The following CPVL variants were observed in gnomAD, a reference collection of about 807,000 sequenced individuals.
The protein encoded by CPVL is probable serine carboxypeptidase CPVL.
Under a neutral mutation model 63.7 loss-of-function variants are expected in CPVL, and 51 were observed. The ratio of observed to expected loss-of-function variants is 0.80; its 90% CI spans 0.64 to 1.01. CPVL has a LOEUF of 1.01. Among genes scored for constraint, CPVL ranks in the 50% least tolerant of loss-of-function variants. The probability of loss-of-function intolerance (pLI) is 0.00; values close to 1 mark genes in which losing one functional copy is unlikely to be tolerated. For missense variants in CPVL, 530 were observed against 573.1 expected (o/e 0.92, Z 0.77); for synonymous variants, 195 against 206.0 (o/e 0.95, Z 0.46).
intron 2 of CPVL, among the ~76,000 whole-genome samples, chr7:29,118,460 T>A (rs1789009799): frequency 6.6e-6 from 1 of 152,208 alleles, no homozygotes; most frequent in East Asian, 1.9e-4. Flanking sequence ...GCCCATATGG[T>A]GGGGCAGCCA....
At chr7:29,187,585 G>A (rs535623701) in intron 1 of CPVL, among the ~76,000 whole-genome samples, 2 of 152,126 alleles carry the variant, frequency 1.3e-5, no homozygotes, top group African/African-American at 4.8e-5. Context: ...TTAGCTGGGT[G>A]TTGTGGTGTA....
At chr7:29,182,422 T>C (rs985596638) in intron 4 of CPVL, among the ~76,000 whole-genome samples, 3 of 152,198 alleles carry the variant, frequency 2.0e-5, no homozygotes, top group African/African-American at 7.2e-5. Flanking sequence ...AATAGGGCTA[T>C]GGGGACCCAG....
chr7:29,170,153 G>A (rs913361830), intron 5 of CPVL, among the ~76,000 whole-genome samples: 2 of 152,072 alleles, frequency 1.3e-5, no homozygotes, highest in African/African-American at 4.8e-5. Flanking sequence ...ATGGGGTGGA[G>A]GGGGATTCCC....
At chr7:29,149,735 T>C (rs1002683895), upstream of CPVL, among the ~76,000 whole-genome samples, 8 of 152,120 alleles carry the variant, frequency 5.3e-5, no homozygotes, top group African/African-American at 1.9e-4. Flanking sequence ...TAGGTTCTGG[T>C]AGCCCCAGGT....
At chr7:29,006,012 C>G (rs1331511644) in intron 12 of CPVL, among the ~76,000 whole-genome samples, 1 of 152,168 alleles carries the variant, frequency 6.6e-6, no homozygotes, top group Non-Finnish European at 1.5e-5. Flanking sequence ...CCTGACTCAT[C>G]ATCTTCTGTG....
At chr7:28,994,744 A>G (rs75725929), downstream of CPVL, among the ~76,000 whole-genome samples, 2,286 of 152,322 alleles carry the variant, frequency 0.015, 59 homozygotes, top group African/African-American at 0.052. Flanking sequence ...TGAGAAATTA[A>G]AAGAATAAAC....
In CPVL at chr7:28,995,748, G is replaced by C. The variant is rs1051214153; in HGVS notation, c.*24C>G. 1.5e-6 allele frequency: 2 copies of C among 1,340,534 alleles called. No homozygotes were observed. The highest frequency in any genetic ancestry group is 2.1e-6 in the Non-Finnish European group (2 of 951,726). 83.0% of individuals were successfully genotyped at this position (1,340,534 alleles called of 1,614,324 possible). A position where few individuals can be genotyped will look rare whatever the true frequency, so the allele number is the denominator to read the frequency against. On this transcript the variant is annotated 3_prime_UTR_variant, in exon 13 of 13. Coordinates refer to ENST00000265394, the MANE Select transcript of CPVL (RefSeq NM_031311.5). ...TTTCTTTTCAGCAATGAAAACCTCTGATGTTCTCTTTTGGGAAGGTAGTTT... is the reference window on the plus strand; with the variant it reads ...TTTCTTTTCAGCAATGAAAACCTCTCATGTTCTCTTTTGGGAAGGTAGTTT...
intron 11 of CPVL, among the ~76,000 whole-genome samples, chr7:29,045,126 G>A (rs571511332): frequency 2.0e-5 from 3 of 152,188 alleles, no homozygotes; most frequent in Admixed American, 6.5e-5. Flanking sequence ...AAACACACAC[G>A]GGTTATCATG....
At chr7:29,067,604 T>A (rs538222998) in intron 9 of CPVL, among the ~76,000 whole-genome samples, 1 of 152,192 alleles carries the variant, frequency 6.6e-6, no homozygotes, top group South Asian at 2.1e-4. Flanking sequence ...AGCAAGAAGA[T>A]GAAGAGAAGA....
At chr7:29,052,165 TAAAATACTAC>T (rs1396794631) in intron 11 of CPVL, among the ~76,000 whole-genome samples, 6 of 151,696 alleles carry the variant, frequency 4.0e-5, no homozygotes, top group African/African-American at 1.5e-4. Flanking sequence ...TGGTAAGGGA[TAAAATACTAC>T]AAACAGGGTG....
chr7:29,137,886 G>A (rs1177677817), intron 1 of CPVL, among the ~76,000 whole-genome samples: 2 of 152,212 alleles, frequency 1.3e-5, no homozygotes, highest in Non-Finnish European at 2.9e-5. Context: ...ATCTAGAGAA[G>A]TCAGTAGAGA....
At chr7:29,103,405 T>C (rs6961622) in intron 3 of CPVL, among the ~76,000 whole-genome samples, 91,125 of 142,156 alleles carry the variant, frequency 0.64, 29,330 homozygotes, top group East Asian at 0.8. Context: ...ACCACCATGC[T>C]CAGCTATTTT....
chr7:29,008,722 A>G (rs969261860), intron 12 of CPVL, among the ~76,000 whole-genome samples: 1 of 152,214 alleles, frequency 6.6e-6, no homozygotes, highest in Non-Finnish European at 1.5e-5. Flanking sequence ...ATCATAAAGC[A>G]GATGTGAGAA....
At chr7:29,171,229 A>G (rs1025276636) in intron 5 of CPVL, among the ~76,000 whole-genome samples, 11 of 152,132 alleles carry the variant, frequency 7.2e-5, no homozygotes, top group Non-Finnish European at 1.6e-4. Context: ...GACATCACCT[A>G]ATACGCGTCC....
intron 3 of CPVL, among the ~76,000 whole-genome samples, chr7:29,106,517 C>T (rs1787734912): frequency 6.6e-6 from 1 of 152,060 alleles, no homozygotes; most frequent in African/African-American, 2.4e-5. Flanking sequence ...AAGCCAAAGG[C>T]AGGACATAGG....
intron 12 of CPVL, among the ~76,000 whole-genome samples, chr7:29,000,489 T>A (rs1248738054): frequency 2.0e-5 from 3 of 151,762 alleles, no homozygotes; most frequent in Non-Finnish European, 4.4e-5. Flanking sequence ...AGCAGAGGGA[T>A]CACCGCAGAC....
chr7:29,152,020 T>C (rs1288411117), intron 5 of CPVL, among the ~76,000 whole-genome samples: 1 of 152,238 alleles, frequency 6.6e-6, no homozygotes, highest in Non-Finnish European at 1.5e-5. Context: ...TTTCTTCGAA[T>C]GGAAATAGTG....
At chr7:29,134,487 A>T (rs1790995726) in intron 1 of CPVL, among the ~76,000 whole-genome samples, 1 of 152,202 alleles carries the variant, frequency 6.6e-6, no homozygotes. Flanking sequence ...AAAAATAAAA[A>T]CTCACAAGAA....
intron 5 of CPVL, among the ~76,000 whole-genome samples, chr7:29,176,910 T>G: frequency 6.6e-6 from 1 of 152,160 alleles, no homozygotes; most frequent in East Asian, 1.9e-4. Flanking sequence ...AGCTTATATG[T>G]TAAAATGCCT....
Sources: gnomAD v4.1 joint callset for allele counts (sites outside exome capture counted in the v4.1 genomes callset) on GRCh38, gnomAD v4.1.1 for gene constraint, MANE v1.5 for transcripts, NCBI Gene and HGNC (gene_info 2026-07-23, HGNC 2026-07-21) for gene names.